PTOV1: variants seen among roughly 807,000 people sequenced by gnomAD.
PTOV1 encodes the protein prostate tumor-overexpressed gene 1 protein.
A neutral mutation model predicts 58.0 loss-of-function variants in PTOV1; 20 were observed. The ratio of observed to expected loss-of-function variants is 0.34; its 90% CI spans 0.24 to 0.50. PTOV1 has a LOEUF of 0.50. PTOV1 is among the 20% of genes least tolerant of loss of function. The pLI is 0.98. For synonymous variants in PTOV1, 335 were observed against 234.2 expected (o/e 1.43, Z -3.93); for missense variants, 593 against 565.4 (o/e 1.05, Z -0.50).
intron 6 of PTOV1, 182 bp from the exon 7 acceptor site, chr19:49,857,511 C>T (rs375881531): frequency 9.4e-5 from 62 of 659,750 alleles, no homozygotes; most frequent in Middle Eastern, 8.3e-4. Flanking sequence ...TCTCAGGCCA[C>T]TGGGGAGCCA....
chr19:49,854,663 C>G, exon 3 of PTOV1: 1 of 1,613,546 alleles, frequency 6.2e-7, no homozygotes, highest in Non-Finnish European at 8.5e-7. Flanking sequence ...AGCGCAGACC[C>G]TACTCTGACT....
rs746982022 is a variant in PTOV1 at position 49,854,763 on chromosome 19, G to GGTGGCAGGGGCA, written c.392+35_392+46dup. ...AGTGCCGGGGCGTGGCAGCCAGGGC[G>GGTGGCAGGGGCA]GTGGCAGGGGCAGTGGCTGTGGCCG... On this transcript the variant is annotated intron_variant, in intron 3 of 11. Transcript: ENST00000391842. 5 of 1,613,160 alleles carry GGTGGCAGGGGCA rather than the reference G, an allele frequency of 3.1e-6. No individual in the cohort carries two copies. The East Asian group carries it at 6.7e-5, about 22-fold the overall frequency.
exon 10 of PTOV1, chr19:49,858,651 T>C (rs756588283): frequency 6.3e-7 from 1 of 1,593,692 alleles, no homozygotes; most frequent in South Asian, 1.1e-5. Context: ...GGACAATGGC[T>C]TCGTGAGTGG....
intron 1 of PTOV1, among the ~76,000 whole-genome samples, chr19:49,853,555 T>G (rs2074340707): frequency 6.6e-6 from 1 of 151,716 alleles, no homozygotes; most frequent in African/African-American, 2.4e-5. Flanking sequence ...TGAGCGAGGT[T>G]GCAGTGAGCT....
intron 6 of PTOV1, chr19:49,857,356 G>C (rs920493950): frequency 1.5e-6 from 1 of 650,888 alleles, no homozygotes. Context: ...CGGCGGCAGG[G>C]AAGCCAGCGG....
chr19:49,853,732 A>AC (rs1262171871), intron 1 of PTOV1, among the ~76,000 whole-genome samples: 1 of 151,698 alleles, frequency 6.6e-6, no homozygotes, highest in Non-Finnish European at 1.5e-5. Flanking sequence ...GGTCTGTGAG[A>AC]CCCCTCTGGG....
chr19:49,857,073 C>T, exon 6 of PTOV1: 1 of 1,614,148 alleles, frequency 6.2e-7, no homozygotes, highest in Non-Finnish European at 8.5e-7. Flanking sequence ...GCCTCATCCC[C>T]TACGACCAGA....
At chr19:49,858,697 G>C (rs553022158) in intron 10 of PTOV1, 44 bp downstream of exon 10, 2 of 1,508,574 alleles carry the variant, frequency 1.3e-6, no homozygotes, top group East Asian at 4.9e-5. Context: ...GGCCAGGGCA[G>C]AGCGAGCCCG....
At chr19:49,851,259 T>G in exon 1 of PTOV1, 1 of 1,089,472 alleles carries the variant, frequency 9.2e-7, no homozygotes, top group Non-Finnish European at 1.1e-6. Flanking sequence ...CCCGCGCCCC[T>G]CAGTCGGTGG....
At chr19:49,851,225 C>G in exon 1 of PTOV1, 1 of 1,156,278 alleles carries the variant, frequency 8.6e-7, no homozygotes, top group Non-Finnish European at 1.1e-6. Flanking sequence ...CTCAGCCCGT[C>G]TCCCCCGAAG....
chr19:49,856,634 G>T (rs751387301), intron 5 of PTOV1: 1 of 308,904 alleles, frequency 3.2e-6, no homozygotes, highest in Non-Finnish European at 6.2e-6. Context: ...ACGGTGGGGC[G>T]CTGCCTGTGC....
intron 10 of PTOV1, 187 bp downstream of exon 10, chr19:49,858,840 G>C: frequency 1.8e-6 from 1 of 569,642 alleles, no homozygotes; most frequent in South Asian, 2.3e-5. Flanking sequence ...ATGGGGCACT[G>C]ACCCTGGTTC....
exon 1 of PTOV1, chr19:49,851,432 G>T: frequency 8.2e-7 from 1 of 1,215,032 alleles, no homozygotes; most frequent in Non-Finnish European, 1.0e-6. Context: ...GTCCGCTCGC[G>T]CTCCTGGCCT....
At chr19:49,858,264 C>A in intron 9 of PTOV1, 150 bp downstream of exon 9, 1 of 1,076,596 alleles carries the variant, frequency 9.3e-7, no homozygotes, top group Non-Finnish European at 1.3e-6. Context: ...GGTAGCTCCT[C>A]AGGCTTGGCT....
chr19:49,858,303 G>A, intron 9 of PTOV1, 189 bp downstream of exon 9: 1 of 809,050 alleles, frequency 1.2e-6, no homozygotes. Flanking sequence ...CCAGCTGGTG[G>A]CTGTGCAGGG....
chr19:49,855,946 AG>A (rs1241961146), intron 5 of PTOV1, among the ~76,000 whole-genome samples: 1 of 152,036 alleles, frequency 6.6e-6, no homozygotes, highest in Non-Finnish European at 1.5e-5. Context: ...GAGAGGAGGC[AG>A]GGGTGGGGTG....
intron 10 of PTOV1, 94 bp downstream of exon 10, chr19:49,858,747 CCA>C: frequency 9.2e-7 from 1 of 1,083,094 alleles, no homozygotes; most frequent in Non-Finnish European, 1.4e-6. Context: ...GAACAGAGCA[CCA>C]TGTCCCAGAC....
chr19:49,857,360 C>G (rs1473056301), intron 6 of PTOV1: 6 of 646,642 alleles, frequency 9.3e-6, no homozygotes, highest in Non-Finnish European at 1.6e-5. Flanking sequence ...GGCAGGGAAG[C>G]CAGCGGAGCG....
chr19:49,858,830 A>AT (rs560051254), intron 10 of PTOV1, 177 bp downstream of exon 10: 217 of 585,702 alleles, frequency 3.7e-4, no homozygotes, highest in African/African-American at 3.1e-3. Flanking sequence ...ACGGCACTGG[A>AT]TGGGGCACTG....
Sources: allele counts gnomAD v4.1 joint callset (sites outside exome capture counted in the v4.1 genomes callset), GRCh38; gene constraint gnomAD v4.1.1; transcripts MANE v1.5; gene names NCBI Gene and HGNC (gene_info 2026-07-23, HGNC 2026-07-21).